DIAPH3: variants seen among roughly 807,000 people sequenced by gnomAD.
The protein encoded by DIAPH3 is diaphanous related formin 3, also known as protein diaphanous homolog 3.
Under a neutral mutation model 144.3 loss-of-function variants are expected in DIAPH3, and 117 were observed. That is an observed-to-expected ratio of 0.81 (90% confidence interval 0.70 to 0.95). The LOEUF is 0.95. DIAPH3 is among the 40% of genes least tolerant of loss of function. The probability of loss-of-function intolerance (pLI) is 0.00; values close to 1 mark genes in which losing one functional copy is unlikely to be tolerated. For synonymous variants in DIAPH3, 519 were observed against 488.9 expected (o/e 1.06, Z -0.81); for missense variants, 1,421 against 1,412.7 (o/e 1.01, Z -0.09).
intron 4 of DIAPH3, among the ~76,000 whole-genome samples, chr13:60,044,752 G>T (rs1325929712): frequency 2.0e-5 from 3 of 152,102 alleles, no homozygotes; most frequent in Non-Finnish European, 4.4e-5. Context: ...GTTTGGCTGT[G>T]TCCCCACCCA....
intron 27 of DIAPH3, among the ~76,000 whole-genome samples, chr13:59,667,501 G>A (rs2138571278): frequency 6.6e-6 from 1 of 152,266 alleles, no homozygotes; most frequent in South Asian, 2.1e-4. Flanking sequence ...CTTTTTGAAT[G>A]AAATCAAGAA....
intron 2 of DIAPH3, among the ~76,000 whole-genome samples, chr13:60,128,777 C>T (rs1594741420): frequency 7.1e-6 from 1 of 140,754 alleles, no homozygotes; most frequent in Non-Finnish European, 1.6e-5. Context: ...ATTCAATTAC[C>T]TTTTTTTTTT....
At chr13:59,970,096 G>C (rs751322344) in intron 16 of DIAPH3, 38 bp from the exon 17 acceptor site, 3 of 1,225,632 alleles carry the variant, frequency 2.4e-6, no homozygotes, top group Non-Finnish European at 3.5e-6. Context: ...CAATAGGTGA[G>C]TGTTTCACCT....
At chr13:60,098,767 G>A (rs1053498812) in intron 3 of DIAPH3, among the ~76,000 whole-genome samples, 7 of 152,122 alleles carry the variant, frequency 4.6e-5, no homozygotes, top group African/African-American at 1.7e-4. Context: ...TGACACTGCA[G>A]ACACAGATTG....
At chr13:60,115,003 A>G (rs2058665750) in intron 2 of DIAPH3, among the ~76,000 whole-genome samples, 1 of 152,180 alleles carries the variant, frequency 6.6e-6, no homozygotes, top group African/African-American at 2.4e-5. Flanking sequence ...AATAACATAA[A>G]CAGTCAATTA....
chr13:59,941,429 G>A (rs1044732732), intron 17 of DIAPH3, among the ~76,000 whole-genome samples: 1 of 152,136 alleles, frequency 6.6e-6, no homozygotes, highest in Non-Finnish European at 1.5e-5. Context: ...GGCTGAAGGA[G>A]AGCCACCTGG....
At chr13:59,820,401 C>CAT (rs2041005344) in intron 24 of DIAPH3, among the ~76,000 whole-genome samples, 1 of 151,852 alleles carries the variant, frequency 6.6e-6, no homozygotes, top group Non-Finnish European at 1.5e-5. Context: ...ATTTAATTTA[C>CAT]ATATATATGC....
At chr13:59,816,152 T>C (rs1255691237) in intron 24 of DIAPH3, among the ~76,000 whole-genome samples, 1 of 152,102 alleles carries the variant, frequency 6.6e-6, no homozygotes, top group Non-Finnish European at 1.5e-5. Context: ...ACTTCTAGGA[T>C]AAACTCAATT....
chr13:60,052,979 AAG>A (rs1342164349), intron 4 of DIAPH3, among the ~76,000 whole-genome samples: 2 of 147,784 alleles, frequency 1.4e-5, no homozygotes, highest in East Asian at 2.0e-4. Context: ...AAAAAAAAAA[AAG>A]AAATAATAAT....
Position 60,119,176 on chromosome 13 carries a change from G to T in DIAPH3, c.214-6990C>A, listed in dbSNP as rs2058770995. ...TAAAAGATTTTACAGCTTTTGTTTT[G>T]CTCCTTCTTGGGAGTATGCCAGCTG... is the stretch of plus-strand genomic sequence containing the variant. On this transcript the variant is annotated intron_variant, in intron 2 of 27. Coordinates refer to ENST00000400324, the MANE Select transcript of DIAPH3 (RefSeq NM_001042517.2). 1.3e-5 allele frequency among the ~76,000 whole-genome samples: 2 copies of T among 152,064 alleles called. 1 individual carries two copies. Among genetic ancestry groups the T allele is most frequent in the South Asian group, 4.2e-4 (2 of 4,816 alleles).
At chr13:59,878,084 T>G (rs561325619) in intron 21 of DIAPH3, among the ~76,000 whole-genome samples, 1 of 152,210 alleles carries the variant, frequency 6.6e-6, no homozygotes, top group South Asian at 2.1e-4. Context: ...GTATGCCAGG[T>G]AAATATTAAT....
intron 5 of DIAPH3, among the ~76,000 whole-genome samples, chr13:60,017,093 G>T (rs1433272879): frequency 6.6e-6 from 1 of 152,068 alleles, no homozygotes; most frequent in Non-Finnish European, 1.5e-5. Flanking sequence ...TGTACTGTTT[G>T]AACAGTAAGA....
At chr13:59,851,948 A>AT (rs201849666) in intron 22 of DIAPH3, among the ~76,000 whole-genome samples, 45 of 147,670 alleles carry the variant, frequency 3.0e-4, no homozygotes, top group South Asian at 4.3e-4. Flanking sequence ...AACTAACTTT[A>AT]TTTTTTTTTT....
chr13:60,104,438 A>G (rs1019469712), intron 3 of DIAPH3, among the ~76,000 whole-genome samples: 1 of 152,122 alleles, frequency 6.6e-6, no homozygotes, highest in African/African-American at 2.4e-5. Context: ...AATGACATTT[A>G]CCCAGAGACT....
intron 27 of DIAPH3, among the ~76,000 whole-genome samples, chr13:59,750,927 C>G (rs183146075): frequency 2.6e-5 from 4 of 152,332 alleles, no homozygotes. Flanking sequence ...TCTCCCAGAT[C>G]AACAGTTGTC....
intron 15 of DIAPH3, among the ~76,000 whole-genome samples, chr13:59,971,921 G>GA (rs1368522903): frequency 6.6e-6 from 1 of 152,130 alleles, no homozygotes; most frequent in Non-Finnish European, 1.5e-5. Flanking sequence ...CCTTCCTTGG[G>GA]AAAGCCTTAT....
At chr13:60,149,425 G>C (rs1027943336) in intron 1 of DIAPH3, among the ~76,000 whole-genome samples, 2 of 151,996 alleles carry the variant, frequency 1.3e-5, no homozygotes, top group African/African-American at 2.4e-5. Context: ...GAAAAAAGTG[G>C]GTGCTTGACA....
At chr13:59,751,509 G>A (rs762028632) in intron 27 of DIAPH3, among the ~76,000 whole-genome samples, 3 of 152,128 alleles carry the variant, frequency 2.0e-5, no homozygotes, top group African/African-American at 7.2e-5. Context: ...TCATTGCTAC[G>A]AGTGTTATTT....
intron 9 of DIAPH3, among the ~76,000 whole-genome samples, chr13:60,001,319 G>C (rs566646906): frequency 7.2e-5 from 11 of 152,248 alleles, no homozygotes; most frequent in African/African-American, 2.4e-4. Context: ...TCCAGCTCCT[G>C]CATCTCCCAT....
Sources: allele counts gnomAD v4.1 joint callset (sites outside exome capture counted in the v4.1 genomes callset), GRCh38; gene constraint gnomAD v4.1.1; transcripts MANE v1.5; gene names NCBI Gene and HGNC (gene_info 2026-07-23, HGNC 2026-07-21).